Variants in PCNX2 observed in about 807,000 individuals in gnomAD.
The protein encoded by PCNX2 is pecanex 2.
In PCNX2, 168 loss-of-function variants were observed where a neutral mutation model predicts 223.8. The ratio of observed to expected loss-of-function variants is 0.75; its 90% CI spans 0.66 to 0.85. PCNX2 has a LOEUF of 0.85. PCNX2 is among the 40% of genes least tolerant of loss of function. PCNX2 has a pLI of 0.00. For synonymous variants in PCNX2, 1,006 were observed against 1,052.6 expected, an observed-to-expected ratio of 0.96 and a Z score of 0.86; for missense variants, 2,507 against 2,675.5, an observed-to-expected ratio of 0.94 and a Z score of 1.39.
Position 233,258,347 on chromosome 1 carries a change from C to T in PCNX2, c.1515G>A (p.Lys505=), listed in dbSNP as rs1487851419. 6.2e-7 allele frequency: 1 copy of T among 1,614,008 alleles called. No individual in the cohort carries two copies. The highest frequency in any genetic ancestry group is 1.1e-5 in the South Asian group (1 of 91,084). The part of the protein sequence containing the change: ...RLTPDTGSES[K]VGKEGQTNLD... ...GGTTAGTCTGGCCTTCCTTCCCCAC[C>T]TTAGACTCGGAGCCTGTATCAGGTG... The change falls in exon 5 of 34, where the codon AAG becomes AAA. Residue 505 remains lysine (K), a synonymous_variant. Coordinates refer to ENST00000258229, the MANE Select transcript of PCNX2 (RefSeq NM_014801.4).
chr1:233,081,527 C>A (rs1035567168), intron 23 of PCNX2, among the ~76,000 whole-genome samples: 1 of 152,036 alleles, frequency 6.6e-6, no homozygotes, highest in Admixed American at 6.5e-5. Context: ...AGAACCAGGC[C>A]GGGGCCATGG....
chr1:233,204,060 T>G (rs1681302012), intron 13 of PCNX2, among the ~76,000 whole-genome samples: 1 of 152,194 alleles, frequency 6.6e-6, no homozygotes, highest in African/African-American at 2.4e-5. Context: ...AAGTTCTAAC[T>G]CCCAGTAACT....
At chr1:233,086,153 T>G (rs756431276) in intron 23 of PCNX2, among the ~76,000 whole-genome samples, 1 of 151,610 alleles carries the variant, frequency 6.6e-6, no homozygotes, top group African/African-American at 2.4e-5. Flanking sequence ...AATGAAGAGG[T>G]TGAGGGAGGG....
intron 9 of PCNX2, among the ~76,000 whole-genome samples, chr1:233,234,133 T>C (rs1175517630): frequency 6.6e-6 from 1 of 152,184 alleles, no homozygotes; most frequent in Non-Finnish European, 1.5e-5. Context: ...TTTTCACCAT[T>C]GTATACCCAG....
chr1:233,105,866 A>G (rs1282350112), intron 21 of PCNX2, among the ~76,000 whole-genome samples: 1 of 152,252 alleles, frequency 6.6e-6, no homozygotes, highest in Non-Finnish European at 1.5e-5. Flanking sequence ...GACATTGCAC[A>G]TTGAAATTGT....
chr1:232,985,617 A>C (rs1275231234), intron 33 of PCNX2: 1 of 285,166 alleles, frequency 3.5e-6, no homozygotes, highest in African/African-American at 2.2e-5. Context: ...CTCCTTGTCT[A>C]GTATTTAAAT....
At chr1:233,110,150 A>C (rs557986206) in intron 21 of PCNX2, among the ~76,000 whole-genome samples, 2 of 152,326 alleles carry the variant, frequency 1.3e-5, no homozygotes, top group African/African-American at 4.8e-5. Flanking sequence ...AAATATACAA[A>C]TGAACAAATG....
At chr1:233,321,013 C>CTTTTTTTTTT in the PCNX2 span, among the ~76,000 whole-genome samples, 6 of 70,358 alleles carry the variant, frequency 8.5e-5, no homozygotes, top group South Asian at 6.6e-4. Context: ...AAAATGTCTT[C>CTTTTTTTTTT]TTTTTTTTTT....
rs140913525 is a variant in PCNX2 at position 233,145,504 on chromosome 1, T to C, written c.3518-5649A>G. On this transcript the variant is annotated intron_variant, in intron 19 of 33. Coordinates refer to ENST00000258229, the MANE Select transcript of PCNX2 (RefSeq NM_014801.4). ...CTGGAGTGAACTGTGATGTTTTATG[T>C]GCCTCTACGTGTGCTAGATGCTTTC... Among the ~76,000 whole-genome samples the C allele has an allele frequency of 9.1e-4, 139 of 152,290 alleles. 2 individuals are homozygous for C. The East Asian group carries it at 0.014, about 16-fold the overall frequency.
chr1:233,250,958 G>C, intron 7 of PCNX2, 126 bp from the exon 8 acceptor site: 4 of 1,004,984 alleles, frequency 4.0e-6, no homozygotes, highest in Non-Finnish European at 5.6e-6. Flanking sequence ...GTTGACAATC[G>C]GGGTCCATTC....
chr1:233,322,943 A>G, the PCNX2 span, among the ~76,000 whole-genome samples: 1 of 150,132 alleles, frequency 6.7e-6, no homozygotes, highest in Non-Finnish European at 1.5e-5. Context: ...CCTCAGAGCA[A>G]CACACCAATA....
chr1:233,282,643 T>C (rs1661249166), intron 1 of PCNX2, among the ~76,000 whole-genome samples: 2 of 152,160 alleles, frequency 1.3e-5, no homozygotes, highest in African/African-American at 2.4e-5. Context: ...AATCTATCCA[T>C]GATTCTCCAT....
At chr1:233,282,372 A>C (rs1355815104) in intron 1 of PCNX2, among the ~76,000 whole-genome samples, 2 of 152,058 alleles carry the variant, frequency 1.3e-5, no homozygotes, top group Non-Finnish European at 2.9e-5. Flanking sequence ...CCTAGCTTAG[A>C]TTGTTCCTTT....
At chr1:233,075,154 A>G (rs1286621937) in intron 23 of PCNX2, among the ~76,000 whole-genome samples, 1 of 152,262 alleles carries the variant, frequency 6.6e-6, no homozygotes, top group East Asian at 1.9e-4. Flanking sequence ...AGCTTTATTC[A>G]TAATAGCTCC....
intron 25 of PCNX2, among the ~76,000 whole-genome samples, chr1:233,033,898 A>G (rs528755530): frequency 2.4e-4 from 36 of 152,210 alleles, no homozygotes; most frequent in African/African-American, 8.2e-4. Flanking sequence ...TTGAAACCCT[A>G]TCCTCCAAGG....
intron 19 of PCNX2, among the ~76,000 whole-genome samples, chr1:233,147,655 T>C (rs1236097123): frequency 2.0e-5 from 3 of 152,214 alleles, no homozygotes; most frequent in African/African-American, 2.4e-5. Flanking sequence ...CCGTATATCA[T>C]AGACACAACT....
At chr1:233,153,493 G>T (rs1677941206) in intron 19 of PCNX2, among the ~76,000 whole-genome samples, 1 of 152,152 alleles carries the variant, frequency 6.6e-6, no homozygotes, top group Admixed American at 6.5e-5. Context: ...ACTCAGAGGT[G>T]AACAACGTTT....
intron 17 of PCNX2, among the ~76,000 whole-genome samples, chr1:233,173,175 T>G (rs999711011): frequency 3.3e-5 from 5 of 152,120 alleles, no homozygotes; most frequent in Non-Finnish European, 7.4e-5. Context: ...TCTTTTTTTT[T>G]TTTTCTCTTT....
chr1:233,175,677 G>C (rs1679438383), intron 17 of PCNX2, among the ~76,000 whole-genome samples: 1 of 146,690 alleles, frequency 6.8e-6, no homozygotes, highest in Non-Finnish European at 1.5e-5. Context: ...GGTTGTGGAT[G>C]CTAGGCTTAT....
Sources: allele counts gnomAD v4.1 joint callset (sites outside exome capture counted in the v4.1 genomes callset), GRCh38; gene constraint gnomAD v4.1.1; transcripts MANE v1.5; gene names NCBI Gene and HGNC (gene_info 2026-07-23, HGNC 2026-07-21).